Variants in CDON observed in about 807,000 individuals in gnomAD.
CDON encodes the protein cell adhesion molecule-related/down-regulated by oncogenes.
Under a neutral mutation model 120.9 loss-of-function variants are expected in CDON, and 73 were observed. The observed-to-expected ratio is 0.60, with a 90% confidence interval of 0.50 to 0.73. CDON has a LOEUF of 0.73. CDON is among the 30% of genes least tolerant of loss of function. CDON has a pLI of 0.00. For synonymous variants in CDON, 566 were observed against 573.5 expected (o/e 0.99, Z 0.19); for missense variants, 1,470 against 1,587.3 (o/e 0.93, Z 1.26).
intron 8 of CDON, among the ~76,000 whole-genome samples, chr11:126,010,008 C>T (rs930504505): frequency 6.6e-6 from 1 of 152,144 alleles, no homozygotes; most frequent in African/African-American, 2.4e-5. Flanking sequence ...CTGTAGTTAT[C>T]AAGGGCATAA....
intron 18 of CDON, among the ~76,000 whole-genome samples, chr11:125,973,306 G>A (rs986996974): frequency 6.6e-6 from 1 of 152,092 alleles, no homozygotes; most frequent in Non-Finnish European, 1.5e-5. Flanking sequence ...GCCAAGACGG[G>A]TGGATCATGA....
In CDON at chr11:125,958,611, AT is replaced by A. The variant is rs1945555906; in HGVS notation, c.*2330del. 6.7e-6 allele frequency: 1 copy of A among 148,724 alleles called. No individual in the cohort carries two copies. The highest frequency in any genetic ancestry group is 2.5e-5 in the African/African-American group (1 of 40,298). 9.2% of individuals were successfully genotyped at this position (148,724 alleles called of 1,614,324 possible). ...TGTGTGTTTATATATATATATTTAT[AT>A]ATTTCAATATATAAAGGCATTTTTT... On this transcript the variant is annotated 3_prime_UTR_variant, in exon 20 of 20. Coordinates refer to ENST00000531738, the MANE Select transcript of CDON (RefSeq NM_001378964.1).
chr11:126,027,666 T>A (rs2134733986), intron 1 of CDON, among the ~76,000 whole-genome samples: 1 of 152,324 alleles, frequency 6.6e-6, no homozygotes, highest in South Asian at 2.1e-4. Context: ...GTCATTTTTC[T>A]CACCTACAGA....
intron 1 of CDON, among the ~76,000 whole-genome samples, chr11:126,032,936 A>G (rs1031709384): frequency 1.3e-5 from 2 of 152,166 alleles, no homozygotes; most frequent in Non-Finnish European, 2.9e-5. Flanking sequence ...GGAGCCCAGG[A>G]GGTTGAGGCT....
chr11:125,987,787 TG>T, intron 15 of CDON, among the ~76,000 whole-genome samples: 1 of 152,332 alleles, frequency 6.6e-6, no homozygotes, highest in South Asian at 2.1e-4. Context: ...TCACAGCGTC[TG>T]GTCCAAAAAG....
At chr11:125,969,922 C>T (rs1039874052) in intron 18 of CDON, among the ~76,000 whole-genome samples, 3 of 152,210 alleles carry the variant, frequency 2.0e-5, no homozygotes, top group Non-Finnish European at 4.4e-5. Flanking sequence ...AACTATACAG[C>T]ACCTCTGAAA....
At position 126,051,165 on chromosome 11, in the gene CDON, T is replaced by C. The variant is rs1200879372; in HGVS notation, c.-62+11414A>G. Reference sequence around the variant, plus strand: ...TGTGGTGGCTGCTGCTCTGATTCCATGGCCAGCTGACACCTGTAATCACAA... The same window carrying C: ...TGTGGTGGCTGCTGCTCTGATTCCACGGCCAGCTGACACCTGTAATCACAA... On this transcript the variant is annotated intron_variant, in intron 1 of 19. Coordinates refer to ENST00000531738, the MANE Select transcript of CDON (RefSeq NM_001378964.1). 6.6e-5 allele frequency among the ~76,000 whole-genome samples: 10 copies of C among 152,340 alleles called. No homozygotes were observed. In the East Asian group the frequency reaches 9.6e-4, roughly 15 times the overall value.
intron 18 of CDON, 94 bp from the exon 19 acceptor site, chr11:125,962,092 TCA>T (rs1262736129): frequency 4.2e-6 from 4 of 948,822 alleles, no homozygotes; most frequent in Admixed American, 1.9e-5. Flanking sequence ...TATTCTGTAT[TCA>T]CAGACTCTTA....
chr11:126,040,564 C>G (rs1948227046), intron 1 of CDON, among the ~76,000 whole-genome samples: 1 of 151,910 alleles, frequency 6.6e-6, no homozygotes, highest in Non-Finnish European at 1.5e-5. Context: ...GCCTATAATC[C>G]CAGCACTTTG....
Position 126,034,640 on chromosome 11 carries a change from C to A in CDON, c.-61-11103G>T, listed in dbSNP as rs970057713. Among the ~76,000 whole-genome samples the A allele has an allele frequency of 6.6e-6, 1 of 152,184 alleles. No homozygotes were observed. The highest frequency in any genetic ancestry group is 2.1e-4 in the South Asian group (1 of 4,828). On this transcript the variant is annotated intron_variant, in intron 1 of 19. Coordinates refer to ENST00000531738, the MANE Select transcript of CDON (RefSeq NM_001378964.1). The surrounding 1 kb of genome is among the most constrained non-coding windows in gnomAD (Gnocchi z 4.5). ...CCAAGAATTGTGAAGATAATCCTGGCATCCACAGTGGGTTGTACAGGAGCA... is the reference window on the plus strand; with the variant it reads ...CCAAGAATTGTGAAGATAATCCTGGAATCCACAGTGGGTTGTACAGGAGCA...
chr11:125,994,149 G>A, intron 14 of CDON, 135 bp downstream of exon 14: 1 of 684,428 alleles, frequency 1.5e-6, no homozygotes. Flanking sequence ...GCTTTCTTTG[G>A]GACAAATTCA....
At chr11:125,995,512 G>C (rs1001462659) in intron 12 of CDON, among the ~76,000 whole-genome samples, 2 of 152,206 alleles carry the variant, frequency 1.3e-5, no homozygotes, top group Non-Finnish European at 2.9e-5. Context: ...AAGAGGCACT[G>C]TGTGGGCGGC....
rs565398022 is a variant in CDON, at chr11:126,010,376, T to C, written c.1517A>G (p.His506Arg). Residue 506 changes from histidine to arginine, a missense_variant, in exon 8 of 20, where the codon CAT becomes CGT. Coordinates refer to ENST00000531738, the MANE Select transcript of CDON (RefSeq NM_001378964.1). The part of the protein sequence containing the change: ...GKYICEAANE[H>R]GTTQAEASLM... ...AGATGCTTCTGCCTGTGTGGTACCA[T>C]GTTCATTTGCAGCTTCGCAGATGTA... is the stretch of plus-strand genomic sequence containing the variant. 5.6e-5 allele frequency: 91 copies of C among 1,613,424 alleles called. No homozygotes were observed. The Middle Eastern group carries it at 1.2e-3, about 20-fold the overall frequency.
chr11:126,018,082 T>C lies in CDON; in HGVS notation c.640+248A>G, dbSNP rs12292074. Among the ~76,000 whole-genome samples the C allele has an allele frequency of 0.06, 9,135 of 152,192 alleles. 338 individuals carry two copies. The highest frequency in any genetic ancestry group is 0.1 in the African/African-American group (4,341 of 41,510). Reference sequence around the variant, plus strand: ...ACCCAGCTAATTTTTGTATTTTTATTAGAGACAGGGTTTCACCCTGTTGGT... The same window carrying C: ...ACCCAGCTAATTTTTGTATTTTTATCAGAGACAGGGTTTCACCCTGTTGGT... On this transcript the variant is annotated intron_variant, in intron 5 of 19. Transcript: ENST00000531738.
intron 10 of CDON, among the ~76,000 whole-genome samples, chr11:126,002,543 G>A (rs1284774466): frequency 1.3e-5 from 2 of 152,028 alleles, no homozygotes; most frequent in Non-Finnish European, 2.9e-5. Flanking sequence ...ACCCACTAAC[G>A]TCTCTTTGTT....
In CDON at chr11:126,043,820, GTTCTA is replaced by G. The variant is rs533540476; in HGVS notation, c.-62+18754_-62+18758del. Reference sequence around the variant, plus strand: ...AGATTCTCAAACTTACCAGGTTTTAGTTCTATTCTAATCTGCGGATGGATTTCAGG... The same window carrying G: ...AGATTCTCAAACTTACCAGGTTTTAGTTCTAATCTGCGGATGGATTTCAGG... On this transcript the variant is annotated intron_variant, in intron 1 of 19. Transcript: ENST00000531738. Among the ~76,000 whole-genome samples the G allele has an allele frequency of 2.6e-4, 40 of 152,260 alleles. No homozygotes were observed. In the South Asian group the frequency reaches 4.6e-3, roughly 17 times the overall value.
intron 1 of CDON, among the ~76,000 whole-genome samples, chr11:126,024,235 G>T (rs138227023): frequency 2.6e-5 from 4 of 152,332 alleles, no homozygotes; most frequent in African/African-American, 9.6e-5. Context: ...TATTCTAAAT[G>T]CAAGAGCAAA....
At chr11:125,967,274 T>C (rs60107447) in intron 18 of CDON, among the ~76,000 whole-genome samples, 4,777 of 152,312 alleles carry the variant, frequency 0.031, 120 homozygotes, top group African/African-American at 0.062. Context: ...CTCTAACTAA[T>C]GTCATAATGG....
intron 1 of CDON, 134 bp downstream of exon 1, chr11:126,062,445 A>ACCCCCACG (rs1032437010): frequency 6.6e-6 from 1 of 151,566 alleles, no homozygotes; most frequent in African/African-American, 2.4e-5. Flanking sequence ...GCAGCCCTGC[A>ACCCCCACG]CCCCCACGCC....
Sources: allele counts gnomAD v4.1 joint callset (sites outside exome capture counted in the v4.1 genomes callset), GRCh38; gene constraint gnomAD v4.1.1; non-coding constraint Gnocchi (gnomAD v3.1); transcripts MANE v1.5; gene names NCBI Gene and HGNC (gene_info 2026-07-23, HGNC 2026-07-21).